DTYMK: variants seen among roughly 807,000 people sequenced by gnomAD.
The protein encoded by DTYMK is thymidylate kinase.
A neutral mutation model predicts 20.3 loss-of-function variants in DTYMK; 20 were observed. That is an observed-to-expected ratio of 0.99 (90% CI 0.69 to 1.43). The LOEUF (loss-of-function observed/expected upper bound fraction) is 1.43, where lower values mean the gene tolerates loss of function less well. Ranked by LOEUF, DTYMK falls within the 40% of genes most tolerant of loss-of-function variation. The pLI, the probability that DTYMK is intolerant of heterozygous loss-of-function variation, is 0.00. For missense variants in DTYMK, 320 were observed against 291.1 expected, an observed-to-expected ratio of 1.10 and a Z score of -0.72; for synonymous variants, 148 against 124.4, an observed-to-expected ratio of 1.19 and a Z score of -1.27.
chr2:241,683,443 T>C (rs2069311529), intron 2 of DTYMK, among the ~76,000 whole-genome samples: 1 of 152,236 alleles, frequency 6.6e-6, no homozygotes, highest in African/African-American at 2.4e-5. Context: ...ATTTTTTTTT[T>C]TAAGCTCATC....
chr2:241,680,308 T>C lies in DTYMK; in HGVS notation c.251A>G (p.Lys84Arg). Residue 84 changes from lysine to arginine, a missense_variant, in exon 3 of 5, where the codon AAG becomes AGG. Physicochemically the swap from Lys to Arg is conservative, Grantham distance 26 (BLOSUM62 2). Coordinates refer to ENST00000305784, the MANE Select transcript of DTYMK (RefSeq NM_012145.4). ...ANRWEQVPLI[K>R]EKLSQGVTLV... ...GGTCACGCCCTGGCTCAACTTTTCC[T>C]TAATTAACGGCCTGAAAAAGAGGAT... 6.2e-7 allele frequency: 1 copy of C among 1,613,974 alleles called. No individual in the cohort carries two copies. Among genetic ancestry groups the C allele is most frequent in the South Asian group, 1.1e-5 (1 of 91,086 alleles).
rs116905519 is a variant in DTYMK at position 241,680,953 on chromosome 2, G to T, written c.240-634C>A. Among the ~76,000 whole-genome samples, 169 of 152,312 alleles carry T rather than the reference G, an allele frequency of 1.1e-3. 1 individual carries two copies. The East Asian group carries it at 0.026, about 23-fold the overall frequency. ...TCAGAGAGGCCAGCTCTACCCTGTCGAGGAAGAAGAAAGCACAGGCAAAGA... is the reference window on the plus strand; with the variant it reads ...TCAGAGAGGCCAGCTCTACCCTGTCTAGGAAGAAGAAAGCACAGGCAAAGA... On this transcript the variant is annotated intron_variant, in intron 2 of 4. Coordinates refer to ENST00000305784, the MANE Select transcript of DTYMK (RefSeq NM_012145.4).
chr2:241,680,177 T>A, intron 3 of DTYMK, 52 bp downstream of exon 3: 4 of 1,585,824 alleles, frequency 2.5e-6, no homozygotes, highest in Non-Finnish European at 3.5e-6. Flanking sequence ...TCAAGGGCAG[T>A]CCTGGGTCCA....
chr2:241,676,075 C>T lies in DTYMK; in HGVS notation c.*52G>A, dbSNP rs1250422914. On this transcript the variant is annotated 3_prime_UTR_variant, in exon 5 of 5. Coordinates refer to ENST00000305784, the MANE Select transcript of DTYMK (RefSeq NM_012145.4). ...TGGGGACGGGGCCTTCCGCGAGTCT[C>T]CCACCTCTCGGGGGACTGCAGGGAG... The T allele has an allele frequency of 6.5e-7, 1 of 1,536,032 alleles. No individual in the cohort carries two copies. Among genetic ancestry groups the T allele is most frequent in the Non-Finnish European group, 8.8e-7 (1 of 1,132,548 alleles).
chr2:241,681,070 T>C (rs1187585762), intron 2 of DTYMK, among the ~76,000 whole-genome samples: 1 of 152,158 alleles, frequency 6.6e-6, no homozygotes, highest in Non-Finnish European at 1.5e-5. Flanking sequence ...TGCAAGGATG[T>C]TCTCAGCCAA....
At chr2:241,685,745 G>C (rs759059953) in intron 2 of DTYMK, 24 bp downstream of exon 2, 30 of 1,605,616 alleles carry the variant, frequency 1.9e-5, no homozygotes, top group Non-Finnish European at 2.5e-5. Context: ...AAGGGCAGAG[G>C]GAGCAGTGTG....
chr2:241,681,468 T>C (rs376969431), intron 2 of DTYMK, among the ~76,000 whole-genome samples: 3 of 152,098 alleles, frequency 2.0e-5, no homozygotes, highest in East Asian at 3.9e-4. Flanking sequence ...GGCAGGAGGA[T>C]TGCTTGAGCC....
Position 241,680,184 on chromosome 2 carries a change from T to C in DTYMK, c.330+45A>G, listed in dbSNP as rs200092165. 38 of 1,599,928 alleles carry C rather than the reference T, an allele frequency of 2.4e-5. No individual in the cohort carries two copies. In the East Asian group the frequency reaches 7.6e-4, roughly 32 times the overall value. ...ACTCGCATTCAAGGGCAGTCCTGGGTCCACACATCTGTGCTCGCCTGACAG... is the reference window on the plus strand; with the variant it reads ...ACTCGCATTCAAGGGCAGTCCTGGGCCCACACATCTGTGCTCGCCTGACAG... On this transcript the variant is annotated intron_variant, in intron 3 of 4. Transcript: ENST00000305784.
chr2:241,676,811 G>A (rs4675911), intron 4 of DTYMK, among the ~76,000 whole-genome samples: 30,126 of 152,238 alleles, frequency 0.2, 3,317 homozygotes, highest in East Asian at 0.28. Context: ...CCTCCAGCTC[G>A]CAAGCGGCGA....
Position 241,678,454 on chromosome 2 carries a change from TC to T in DTYMK, c.525del (p.Trp175Ter), listed in dbSNP as rs766770754. 6.2e-7 allele frequency: 1 copy of T among 1,614,188 alleles called. No homozygotes were observed. The highest frequency in any genetic ancestry group is 2.2e-5 in the East Asian group (1 of 44,880). ...GTGTGCAATTCTGGGATTCTCACCT[TC>T]CAGTTCAAAGTCGTGTCTTTCATGA... is the stretch of plus-strand genomic sequence containing the variant. The part of the protein sequence containing the change: ...HQLMKDTTLN[W>X]KMVDASKSIE... On this transcript the variant is annotated frameshift_variant, in exon 4 of 5. Coordinates refer to ENST00000305784, the MANE Select transcript of DTYMK (RefSeq NM_012145.4). LOFTEE classifies it low-confidence loss of function (END_TRUNC).
intron 2 of DTYMK, among the ~76,000 whole-genome samples, chr2:241,683,365 C>T (rs1226344368): frequency 6.6e-6 from 1 of 152,166 alleles, no homozygotes; most frequent in Non-Finnish European, 1.5e-5. Context: ...CAAGCTTGTC[C>T]AACCCAAGGC....
At chr2:241,683,929 C>T (rs369183740) in intron 2 of DTYMK, among the ~76,000 whole-genome samples, 4 of 151,964 alleles carry the variant, frequency 2.6e-5, no homozygotes, top group African/African-American at 4.8e-5. Flanking sequence ...TGGTCGTACG[C>T]GCCTGTAATC....
chr2:241,686,727 C>A lies in DTYMK; in HGVS notation c.57G>T (p.Lys19Asn). ...IVLEGVDRAG[K>N]STQSRKLVEA... Reference sequence around the variant, plus strand: ...CCACCAGCTTGCGGCTCTGCGTGCTCTTCCCGGCGCGGTCCACGCCCTCCA... The same window carrying A: ...CCACCAGCTTGCGGCTCTGCGTGCTATTCCCGGCGCGGTCCACGCCCTCCA... The change falls in exon 1 of 5, where the codon AAG becomes AAT. Residue 19 changes from lysine (K) to asparagine (N), a missense_variant. Transcript: ENST00000305784. 2 of 1,546,302 alleles carry A rather than the reference C, an allele frequency of 1.3e-6. No individual in the cohort carries two copies. The highest frequency in any genetic ancestry group is 1.2e-5 in the South Asian group (1 of 85,054).
At chr2:241,679,971 C>T (rs1169531490) in intron 3 of DTYMK, among the ~76,000 whole-genome samples, 1 of 101,990 alleles carries the variant, frequency 9.8e-6, no homozygotes, top group African/African-American at 3.9e-5. Flanking sequence ...ACTGTCTCCC[C>T]AAAAAAAAAA....
At chr2:241,686,525 G>A in intron 1 of DTYMK, 129 bp downstream of exon 1, 2 of 1,312,050 alleles carry the variant, frequency 1.5e-6, no homozygotes, top group Non-Finnish European at 2.0e-6. Context: ...CACAGGGAAA[G>A]CCCGTCTTTC....
intron 2 of DTYMK, 131 bp downstream of exon 2, chr2:241,685,638 G>T: frequency 1.0e-6 from 1 of 963,622 alleles, no homozygotes; most frequent in Non-Finnish European, 1.6e-6. Context: ...CTGCCCACAG[G>T]ACTGCTAAAC....
chr2:241,677,125 G>A (rs947469000), intron 4 of DTYMK, among the ~76,000 whole-genome samples: 8 of 152,236 alleles, frequency 5.3e-5, no homozygotes, highest in African/African-American at 1.2e-4. Flanking sequence ...TTCTGCTGTC[G>A]GGTGGCACCG....
chr2:241,677,782 C>A (rs973332756), intron 4 of DTYMK, among the ~76,000 whole-genome samples: 2 of 152,214 alleles, frequency 1.3e-5, no homozygotes, highest in African/African-American at 4.8e-5. Flanking sequence ...GCACACAGCA[C>A]CCTCCTGAAC....
intron 2 of DTYMK, among the ~76,000 whole-genome samples, chr2:241,683,606 C>A (rs926133961): frequency 6.6e-6 from 1 of 152,138 alleles, no homozygotes; most frequent in African/African-American, 2.4e-5. Context: ...CTGGCATTTA[C>A]CCAAAAGAAG....
Sources: allele counts gnomAD v4.1 joint callset (sites outside exome capture counted in the v4.1 genomes callset), GRCh38; gene constraint gnomAD v4.1.1; transcripts MANE v1.5; gene names NCBI Gene and HGNC (gene_info 2026-07-23, HGNC 2026-07-21).